Variants in TTC33 observed in about 807,000 individuals in gnomAD.
TTC33 encodes the protein tetratricopeptide repeat domain 33, also known as tetratricopeptide repeat protein 33.
TTC33 carries 24 observed loss-of-function variants against 29.4 expected under a neutral mutation model. That is an observed-to-expected ratio of 0.82 (90% confidence interval 0.59 to 1.15). The LOEUF is 1.15. TTC33 is among the 50% of genes most tolerant of loss of function. TTC33 has a pLI of 0.00. For missense variants in TTC33, 286 were observed against 310.4 expected (o/e 0.92, Z 0.59); for synonymous variants, 107 against 100.3 (o/e 1.07, Z -0.40).
chr5:40,726,874 T>C (rs76000206), intron 4 of TTC33, among the ~76,000 whole-genome samples: 1,798 of 152,256 alleles, frequency 0.012, 16 homozygotes, highest in Middle Eastern at 0.021. Context: ...CTTCCCCTGT[T>C]AATGTTAGAA....
At chr5:40,749,788 C>A (rs1261307147) in intron 1 of TTC33, among the ~76,000 whole-genome samples, 1 of 152,118 alleles carries the variant, frequency 6.6e-6, no homozygotes, top group African/African-American at 2.4e-5. Flanking sequence ...AGCATCATAT[C>A]TTTAAAAATG....
intron 3 of TTC33, among the ~76,000 whole-genome samples, chr5:40,729,404 A>C (rs896285932): frequency 6.6e-6 from 1 of 152,250 alleles, no homozygotes; most frequent in African/African-American, 2.4e-5. Context: ...GACTTTTAAA[A>C]TCACTTGGAT....
Position 40,750,044 on chromosome 5 carries a change from C to T in TTC33, c.-1-3025G>A, listed in dbSNP as rs570570403. ...CAGAGGTTGCAGTGAGCTGAGATTG[C>T]ACCACTGCATTCCAGCCTGAGCAAC... On this transcript the variant is annotated intron_variant, in intron 1 of 4. Coordinates refer to ENST00000337702, the MANE Select transcript of TTC33 (RefSeq NM_012382.3). Among the ~76,000 whole-genome samples the T allele has an allele frequency of 2.0e-5, 3 of 150,244 alleles. No homozygotes were observed. The South Asian group carries it at 6.3e-4, about 31-fold the overall frequency.
chr5:40,730,385 G>A, intron 2 of TTC33, 42 bp from the exon 3 acceptor site: 1 of 1,539,874 alleles, frequency 6.5e-7, no homozygotes, highest in Non-Finnish European at 8.9e-7. Context: ...TTTTCAATAT[G>A]CTTTTTTGGA....
At chr5:40,728,622 G>C (rs1673406330) in intron 3 of TTC33, 146 bp from the exon 4 acceptor site, 1 of 675,068 alleles carries the variant, frequency 1.5e-6, no homozygotes, top group African/African-American at 1.8e-5. Context: ...CTGCCATTCA[G>C]GGTAAGAAAT....
At chr5:40,726,718 T>G (rs1032594161) in intron 4 of TTC33, among the ~76,000 whole-genome samples, 11 of 152,140 alleles carry the variant, frequency 7.2e-5, no homozygotes, top group African/African-American at 2.7e-4. Context: ...TGCAGTGTAT[T>G]TTCTTTCTTT....
chr5:40,714,789 A>C lies in TTC33; in HGVS notation c.*1356T>G, dbSNP rs1741966187. ...AGTTTTAAAAACCATCTTCATAAAA[A>C]ATGTAGATCATTACTTATAAGCTCC... On this transcript the variant is annotated 3_prime_UTR_variant, in exon 5 of 5. Coordinates refer to ENST00000337702, the MANE Select transcript of TTC33 (RefSeq NM_012382.3). The C allele has an allele frequency of 6.6e-6, 1 of 152,272 alleles. No individual in the cohort carries two copies. The highest frequency in any genetic ancestry group is 1.5e-5 in the Non-Finnish European group (1 of 67,986). 9.4% of individuals were successfully genotyped at this position (152,272 alleles called of 1,614,324 possible).
rs1466227393 is a variant in TTC33, at chr5:40,716,043, C to G, written c.*102G>C. On this transcript the variant is annotated 3_prime_UTR_variant, in exon 5 of 5. Coordinates refer to ENST00000337702, the MANE Select transcript of TTC33 (RefSeq NM_012382.3). ...TGCCTCATCTGAAAAACATATTTTA[C>G]AACCAGGCGTTCTCCTATCTATCTC... 2.1e-6 allele frequency: 2 copies of G among 964,312 alleles called. No homozygotes were observed. The highest frequency in any genetic ancestry group is 3.3e-5 in the African/African-American group (2 of 60,394). 59.7% of individuals were successfully genotyped at this position (964,312 alleles called of 1,614,324 possible).
chr5:40,721,735 C>CT (rs1401250160), intron 4 of TTC33, among the ~76,000 whole-genome samples: 1 of 151,966 alleles, frequency 6.6e-6, no homozygotes, highest in Non-Finnish European at 1.5e-5. Context: ...TGACATTGGT[C>CT]TTAAAAATGA....
chr5:40,728,549 C>A, intron 3 of TTC33, 73 bp from the exon 4 acceptor site: 1 of 1,384,396 alleles, frequency 7.2e-7, no homozygotes, highest in African/African-American at 1.5e-5. Context: ...AAACCCTTTT[C>A]ATTTTTTAAG....
chr5:40,741,284 G>C (rs1026702413), intron 2 of TTC33, among the ~76,000 whole-genome samples: 4 of 152,056 alleles, frequency 2.6e-5, no homozygotes, highest in African/African-American at 9.7e-5. Context: ...TTCCCTCTAG[G>C]GATAGTGTAG....
chr5:40,744,002 TCAGAGGGAATCCGATGGCAATAACAGAA>T (rs1208792993), intron 2 of TTC33, among the ~76,000 whole-genome samples: 3 of 152,230 alleles, frequency 2.0e-5, no homozygotes, highest in Non-Finnish European at 4.4e-5. Flanking sequence ...CACAGGAAAT[TCAGAGGGAATCCGATGGCAATAACAGAA>T]CAGCTTTTCC....
chr5:40,753,747 G>A (rs1023398148), intron 1 of TTC33, among the ~76,000 whole-genome samples: 1 of 152,108 alleles, frequency 6.6e-6, no homozygotes, highest in African/African-American at 2.4e-5. Context: ...TATCCCTAAT[G>A]GTAACAAGAA....
intron 1 of TTC33, 89 bp from the exon 2 acceptor site, chr5:40,747,108 G>C: frequency 8.5e-7 from 1 of 1,175,926 alleles, no homozygotes. Context: ...GCCCAGGCTG[G>C]AGTACGATGG....
At chr5:40,736,155 T>C (rs1045015562) in intron 2 of TTC33, among the ~76,000 whole-genome samples, 1 of 152,134 alleles carries the variant, frequency 6.6e-6, no homozygotes, top group African/African-American at 2.4e-5. Flanking sequence ...ATAATTACAA[T>C]GGAATGATGA....
At chr5:40,723,751 G>A (rs534999622) in intron 4 of TTC33, among the ~76,000 whole-genome samples, 1 of 152,254 alleles carries the variant, frequency 6.6e-6, no homozygotes, top group East Asian at 1.9e-4. Context: ...TGTAATCCCA[G>A]CTACTTGGGA....
chr5:40,739,307 G>A (rs977671072), intron 2 of TTC33, among the ~76,000 whole-genome samples: 2 of 152,148 alleles, frequency 1.3e-5, no homozygotes, highest in Non-Finnish European at 2.9e-5. Flanking sequence ...CTGGGATTTC[G>A]ATTGGAATTG....
In TTC33 at chr5:40,753,364, C is replaced by CA. The variant is rs767934058; in HGVS notation, c.-2+2459dup. On this transcript the variant is annotated intron_variant, in intron 1 of 4. Transcript: ENST00000337702. ...GAGCGACACGAGCAAAACTCCATCT[C>CA]AAAAAAAAAAAGAAAGAAAGAAAGA... Among the ~76,000 whole-genome samples the CA allele has an allele frequency of 2.2e-3, 267 of 120,836 alleles. 1 individual carries two copies. The highest frequency in any genetic ancestry group is 9.5e-3 in the East Asian group (39 of 4,100). The allele number at this position is 120,836 out of a possible 152,430, so 79.3% of individuals were successfully genotyped here.
At chr5:40,747,763 C>T (rs188300563) in intron 1 of TTC33, among the ~76,000 whole-genome samples, 11 of 152,266 alleles carry the variant, frequency 7.2e-5, no homozygotes, top group Admixed American at 7.2e-4. Flanking sequence ...ACTTAAGAGA[C>T]ATACTAACCA....
Sources: gnomAD v4.1 joint callset for allele counts (sites outside exome capture counted in the v4.1 genomes callset) on GRCh38, gnomAD v4.1.1 for gene constraint, MANE v1.5 for transcripts, NCBI Gene and HGNC (gene_info 2026-07-23, HGNC 2026-07-21) for gene names.